The following FRMD3 variants were observed in gnomAD, a reference collection of about 807,000 sequenced individuals.
FRMD3 encodes FERM domain containing 3.
Under a neutral mutation model 70.2 loss-of-function variants are expected in FRMD3, and 33 were observed. The ratio of observed to expected loss-of-function variants is 0.47; its 90% CI spans 0.36 to 0.63. FRMD3 has a LOEUF of 0.63. Among genes scored for constraint, FRMD3 ranks in the 20% least tolerant of loss-of-function variants. The pLI, the probability that FRMD3 is intolerant of heterozygous loss-of-function variation, is 0.00. For synonymous variants in FRMD3, 279 were observed against 255.9 expected (o/e 1.09, Z -0.86); for missense variants, 632 against 711.4 (o/e 0.89, Z 1.27).
intron 1 of FRMD3, among the ~76,000 whole-genome samples, chr9:83,499,513 G>A (rs1432916279): frequency 6.6e-6 from 1 of 152,144 alleles, no homozygotes; most frequent in African/African-American, 2.4e-5. Context: ...GCCTACCTGT[G>A]CAGTGCATTT....
intron 1 of FRMD3, among the ~76,000 whole-genome samples, chr9:83,426,674 G>A (rs755845671): frequency 1.3e-5 from 2 of 152,224 alleles, no homozygotes; most frequent in Non-Finnish European, 2.9e-5. Context: ...CAAAATGACC[G>A]GTGTGAGAGG....
chr9:83,541,861 G>A (rs1287387944), upstream of FRMD3, among the ~76,000 whole-genome samples: 1 of 152,130 alleles, frequency 6.6e-6, no homozygotes, highest in East Asian at 1.9e-4. Context: ...GTGAACAAAG[G>A]CCAGGCTAAA....
Position 83,248,586 on chromosome 9 carries a change from C to T in FRMD3, c.1196-70G>A, listed in dbSNP as rs1039547877. ...TCCCACAAAAATCTGCAGGAAGAAA[C>T]AGAAAAACAAAAAACTAATGGGATT... On this transcript the variant is annotated intron_variant, in intron 13 of 13. Transcript: ENST00000304195. The T allele has an allele frequency of 4.1e-6, 6 of 1,471,994 alleles. No individual in the cohort carries two copies. The African/African-American group carries it at 4.3e-5, about 10-fold the overall frequency. The allele number at this position is 1,471,994 out of a possible 1,614,324, so 91.2% of individuals were successfully genotyped here.
intron 1 of FRMD3, among the ~76,000 whole-genome samples, chr9:83,508,051 G>T (rs927321836): frequency 3.3e-5 from 5 of 152,138 alleles, no homozygotes; most frequent in African/African-American, 1.2e-4. Flanking sequence ...TGCATTTATA[G>T]AATCTACTCC....
chr9:83,309,997 G>A (rs1318105786), intron 9 of FRMD3, among the ~76,000 whole-genome samples: 1 of 152,158 alleles, frequency 6.6e-6, no homozygotes, highest in Non-Finnish European at 1.5e-5. Context: ...AATTTCTAGA[G>A]CTACCTCTGA....
intron 12 of FRMD3, among the ~76,000 whole-genome samples, chr9:83,291,446 G>A (rs1430082196): frequency 1.3e-5 from 2 of 152,114 alleles, no homozygotes; most frequent in Non-Finnish European, 2.9e-5. Context: ...GTGGATGTTT[G>A]CACACCCTTC....
intron 6 of FRMD3, among the ~76,000 whole-genome samples, chr9:83,329,100 A>C (rs532173646): frequency 6.6e-6 from 1 of 152,262 alleles, no homozygotes; most frequent in East Asian, 1.9e-4. Context: ...GGACATGCAC[A>C]CCACTTGCCC....
intron 1 of FRMD3, among the ~76,000 whole-genome samples, chr9:83,426,140 T>C (rs1224108994): frequency 2.6e-5 from 4 of 152,094 alleles, no homozygotes; most frequent in Non-Finnish European, 5.9e-5. Context: ...ATGCCAAAAC[T>C]AACCCCCAAC....
At chr9:83,527,709 C>T (rs938628909) in intron 1 of FRMD3, among the ~76,000 whole-genome samples, 3 of 152,104 alleles carry the variant, frequency 2.0e-5, no homozygotes, top group East Asian at 1.9e-4. Flanking sequence ...AACATCCAAC[C>T]GAGAAGCACT....
intron 1 of FRMD3, chr9:83,467,648 T>G (rs1469107288): frequency 2.6e-6 from 4 of 1,535,056 alleles, no homozygotes; most frequent in Non-Finnish European, 3.5e-6. Flanking sequence ...GGTCTCCTTG[T>G]GCCTTGCCAA....
chr9:83,399,757 A>C (rs183510643), intron 1 of FRMD3, among the ~76,000 whole-genome samples: 1 of 151,662 alleles, frequency 6.6e-6, no homozygotes, highest in Admixed American at 6.5e-5. Context: ...AAAAAGAAAT[A>C]AATAACTTCC....
chr9:83,368,551 C>T (rs752269186), intron 3 of FRMD3, among the ~76,000 whole-genome samples: 1 of 152,078 alleles, frequency 6.6e-6, no homozygotes, highest in Non-Finnish European at 1.5e-5. Context: ...ATTTAAGAAA[C>T]ATCTTAATGT....
In FRMD3 at chr9:83,326,049, G is replaced by A. The variant is rs7858141; in HGVS notation, c.596+9467C>T. Among the ~76,000 whole-genome samples the A allele has an allele frequency of 4.6e-5, 7 of 152,036 alleles. No individual in the cohort carries two copies. In the East Asian group the frequency reaches 5.8e-4, roughly 13 times the overall value. On this transcript the variant is annotated intron_variant, in intron 6 of 13. Coordinates refer to ENST00000304195, the MANE Select transcript of FRMD3 (RefSeq NM_174938.6). ...AGCCTAAAATATTTGCTAGTTGACC[G>A]GGTATAAAAAATGGTTTTCTGAACC...
At chr9:83,520,970 C>CAAAAAAAAAAAAAAAAAA in intron 1 of FRMD3, among the ~76,000 whole-genome samples, 1 of 56,126 alleles carries the variant, frequency 1.8e-5, no homozygotes, top group Non-Finnish European at 3.4e-5. Flanking sequence ...ACTAAAAATA[C>CAAAAAAAAAAAAAAAAAA]AAAAAAAAAA....
At chr9:83,455,887 G>A (rs185279191) in intron 1 of FRMD3, among the ~76,000 whole-genome samples, 173 of 152,318 alleles carry the variant, frequency 1.1e-3, no homozygotes, top group Non-Finnish European at 2.0e-3. Flanking sequence ...TAAAAAAGAA[G>A]TTCAGTGTGT....
chr9:83,479,215 T>G (rs1425986024), intron 1 of FRMD3, among the ~76,000 whole-genome samples: 2 of 151,334 alleles, frequency 1.3e-5, no homozygotes, highest in Admixed American at 1.3e-4. Flanking sequence ...TTTAGGAGAA[T>G]GAGGTGAGAG....
At chr9:83,330,304 C>T (rs1261452663) in intron 6 of FRMD3, among the ~76,000 whole-genome samples, 6 of 147,618 alleles carry the variant, frequency 4.1e-5, no homozygotes, top group Non-Finnish European at 7.4e-5. Context: ...GTGGAGGTTG[C>T]GGTGCGCAAA....
chr9:83,273,875 G>T (rs1833702437), intron 13 of FRMD3, among the ~76,000 whole-genome samples: 1 of 152,066 alleles, frequency 6.6e-6, no homozygotes, highest in Non-Finnish European at 1.5e-5. Context: ...GAGTTCAGTG[G>T]CCCATCCATA....
intron 13 of FRMD3, among the ~76,000 whole-genome samples, chr9:83,259,289 T>C (rs1382030870): frequency 1.3e-5 from 2 of 152,170 alleles, no homozygotes; most frequent in Non-Finnish European, 2.9e-5. Flanking sequence ...AATTTTAACA[T>C]ATTTTAAGTT....
Sources: allele counts gnomAD v4.1 joint callset (sites outside exome capture counted in the v4.1 genomes callset), GRCh38; gene constraint gnomAD v4.1.1; transcripts MANE v1.5; gene names NCBI Gene and HGNC (gene_info 2026-07-23, HGNC 2026-07-21).